SPMIP11: variants seen among roughly 807,000 people sequenced by gnomAD.
The protein encoded by SPMIP11 is long intergenic non-protein coding RNA 935.
At chr12:48,755,272 G>A in the SPMIP11 span, among the ~76,000 whole-genome samples, 1 of 152,170 alleles carries the variant, frequency 6.6e-6, no homozygotes, top group Admixed American at 6.5e-5. Context: ...TTGTGGCCCA[G>A]TTCTAGAAGC....
the SPMIP11 span, among the ~76,000 whole-genome samples, chr12:48,756,124 C>A: frequency 2.0e-3 from 310 of 151,952 alleles, 1 homozygote; most frequent in African/African-American, 7.0e-3. Flanking sequence ...ACCTCGTGAT[C>A]CGCCTGCCTC....
At chr12:48,748,027 C>T in the SPMIP11 span, among the ~76,000 whole-genome samples, 1 of 152,170 alleles carries the variant, frequency 6.6e-6, no homozygotes, top group African/African-American at 2.4e-5. Context: ...TAGTCACTCT[C>T]CCAATCCTCA....
the SPMIP11 span, chr12:48,771,075 G>A: frequency 8.9e-7 from 1 of 1,129,932 alleles, no homozygotes; most frequent in Non-Finnish European, 1.3e-6. This position sits in a 1 kb window ranked among gnomAD's most constrained non-coding sequence, Gnocchi z 4.3. Flanking sequence ...CCACTTCCCT[G>A]TCTCAAGAGC....
At chr12:48,731,522 C>T in the SPMIP11 span, among the ~76,000 whole-genome samples, 1 of 152,102 alleles carries the variant, frequency 6.6e-6, no homozygotes, top group Non-Finnish European at 1.5e-5. Flanking sequence ...CACTTCTCCC[C>T]AGCAAGTGGT....
chr12:48,727,498 G>A, the SPMIP11 span: 2 of 702,810 alleles, frequency 2.8e-6, no homozygotes, highest in Non-Finnish European at 2.6e-6. Context: ...TCTTCAACTT[G>A]TATCTATTGG....
chr12:48,737,876 G>A, the SPMIP11 span, among the ~76,000 whole-genome samples: 1 of 152,088 alleles, frequency 6.6e-6, no homozygotes, highest in African/African-American at 2.4e-5. Context: ...AGGATGGAGT[G>A]CAGTGGAACG....
the SPMIP11 span, among the ~76,000 whole-genome samples, chr12:48,752,340 T>C: frequency 6.6e-6 from 1 of 152,184 alleles, no homozygotes; most frequent in African/African-American, 2.4e-5. Flanking sequence ...CAAAAAACGC[T>C]GGCTGGCTTC....
the SPMIP11 span, among the ~76,000 whole-genome samples, chr12:48,765,405 AT>A: frequency 6.6e-6 from 1 of 152,028 alleles, no homozygotes; most frequent in Non-Finnish European, 1.5e-5. Context: ...TAATTTTTGT[AT>A]TTTTAGTAGA....
chr12:48,736,272 C>T, the SPMIP11 span: 6 of 299,958 alleles, frequency 2.0e-5, no homozygotes, highest in Non-Finnish European at 3.3e-5. Context: ...ATTAGCCAGG[C>T]GTGGTGATGC....
the SPMIP11 span, among the ~76,000 whole-genome samples, chr12:48,760,580 G>C: frequency 9.9e-5 from 15 of 152,136 alleles, no homozygotes; most frequent in Admixed American, 2.6e-4. Flanking sequence ...AGGCTGTAGT[G>C]CAGTGCTACG....
the SPMIP11 span, chr12:48,766,349 A>G: frequency 6.6e-6 from 1 of 152,646 alleles, no homozygotes; most frequent in East Asian, 1.9e-4. Flanking sequence ...CTGGGTGAGG[A>G]AAGGGACAAT....
the SPMIP11 span, among the ~76,000 whole-genome samples, chr12:48,753,681 CTTTTTTTTTTCTTT>C: frequency 8.3e-6 from 1 of 120,892 alleles, no homozygotes; most frequent in East Asian, 2.3e-4. Context: ...CTTTTCTTTA[CTTTTTTTTTTCTTT>C]TTTTTTTTTT....
At chr12:48,757,151 C>G in the SPMIP11 span, among the ~76,000 whole-genome samples, 1 of 152,006 alleles carries the variant, frequency 6.6e-6, no homozygotes, top group Admixed American at 6.6e-5. Flanking sequence ...TTTTGGCTTG[C>G]GTGACAGAAT....
chr12:48,757,541 G>A, the SPMIP11 span, among the ~76,000 whole-genome samples: 1 of 151,640 alleles, frequency 6.6e-6, no homozygotes, highest in Non-Finnish European at 1.5e-5. Flanking sequence ...AGCTACTTGG[G>A]AGGCTAAGGC....
the SPMIP11 span, among the ~76,000 whole-genome samples, chr12:48,730,370 T>C: frequency 6.6e-6 from 1 of 152,008 alleles, no homozygotes. Context: ...GAGGGAAGAT[T>C]GAACATCAAA....
chr12:48,730,421 A>G, the SPMIP11 span, among the ~76,000 whole-genome samples: 2 of 152,076 alleles, frequency 1.3e-5, no homozygotes, highest in Non-Finnish European at 2.9e-5. Flanking sequence ...CTCCACCCCA[A>G]TTTTATACCC....
the SPMIP11 span, among the ~76,000 whole-genome samples, chr12:48,733,475 T>A: frequency 6.6e-6 from 1 of 152,178 alleles, no homozygotes. Context: ...TTGACTGTGA[T>A]CCAAAAATAT....
the SPMIP11 span, among the ~76,000 whole-genome samples, chr12:48,728,717 A>G: frequency 4.8e-5 from 7 of 146,696 alleles, no homozygotes; most frequent in South Asian, 4.2e-4. Context: ...CAAAAAAAAA[A>G]AAAAAAAAAA....
the SPMIP11 span, chr12:48,769,081 A>C: frequency 6.2e-7 from 1 of 1,600,224 alleles, no homozygotes; most frequent in Non-Finnish European, 8.5e-7. Flanking sequence ...AGAGAACAGC[A>C]AGAGACTAGT....
Sources: allele counts gnomAD v4.1 joint callset (sites outside exome capture counted in the v4.1 genomes callset), GRCh38; gene constraint gnomAD v4.1.1; non-coding constraint Gnocchi (gnomAD v3.1); transcripts MANE v1.5; gene names NCBI Gene and HGNC (gene_info 2026-07-23, HGNC 2026-07-21).